Variants in NAALADL2 observed in about 807,000 individuals in gnomAD.
NAALADL2 encodes inactive N-acetylated-alpha-linked acidic dipeptidase-like protein 2.
NAALADL2 carries 76 observed loss-of-function variants against 87.2 expected under a neutral mutation model. The observed-to-expected ratio is 0.87, with a 90% CI of 0.72 to 1.05. The LOEUF is 1.05. Among genes scored for constraint, NAALADL2 ranks in the 50% least tolerant of loss-of-function variants. The pLI, the probability that NAALADL2 is intolerant of heterozygous loss-of-function variation, is 0.00. For missense variants in NAALADL2, 1,089 were observed against 945.8 expected, an observed-to-expected ratio of 1.15 and a Z score of -1.99; for synonymous variants, 354 against 331.0, an observed-to-expected ratio of 1.07 and a Z score of -0.75.
chr3:175,772,387 A>T (rs1367284063), intron 13 of NAALADL2, among the ~76,000 whole-genome samples: 1 of 152,146 alleles, frequency 6.6e-6, no homozygotes, highest in Non-Finnish European at 1.5e-5. Context: ...AATAAGAAGC[A>T]GTAAAAGAAA....
At chr3:175,780,061 G>A (rs1042499016) in intron 13 of NAALADL2, among the ~76,000 whole-genome samples, 6 of 151,582 alleles carry the variant, frequency 4.0e-5, no homozygotes, top group South Asian at 4.2e-4. Context: ...GAGGTCAGTA[G>A]ATCGAGACCA....
chr3:175,237,719 A>G (rs946471583), intron 3 of NAALADL2, among the ~76,000 whole-genome samples: 2 of 152,178 alleles, frequency 1.3e-5, no homozygotes, highest in African/African-American at 2.4e-5. Flanking sequence ...TAAAAACACT[A>G]TATTTTAACT....
intron 1 of NAALADL2, among the ~76,000 whole-genome samples, chr3:174,862,526 C>T (rs1726624669): frequency 6.6e-6 from 1 of 152,080 alleles, no homozygotes; most frequent in African/African-American, 2.4e-5. Flanking sequence ...GGGAAAGAAT[C>T]TATCAGCATC....
chr3:174,936,024 A>G (rs1455506519), intron 1 of NAALADL2, among the ~76,000 whole-genome samples: 1 of 152,162 alleles, frequency 6.6e-6, no homozygotes, highest in South Asian at 2.1e-4. Context: ...CCGATGTTGC[A>G]TGACAGAATG....
At chr3:174,743,142 T>A (rs1227930278) in intron 3 of NAALADL2, among the ~76,000 whole-genome samples, 1 of 151,790 alleles carries the variant, frequency 6.6e-6, no homozygotes, top group Non-Finnish European at 1.5e-5. Context: ...GCTTAGGATT[T>A]TGCTTCCAAG....
chr3:174,670,537 A>G (rs1726433502), intron 2 of NAALADL2, among the ~76,000 whole-genome samples: 1 of 152,056 alleles, frequency 6.6e-6, no homozygotes. Context: ...ATTAAGTACT[A>G]AAAAGGTTCC....
At chr3:174,628,399 C>T (rs182795153) in intron 2 of NAALADL2, among the ~76,000 whole-genome samples, 10 of 147,850 alleles carry the variant, frequency 6.8e-5, no homozygotes, top group African/African-American at 2.0e-4. Flanking sequence ...ATCGCTTGAA[C>T]CCTGGAGGCG....
intron 12 of NAALADL2, among the ~76,000 whole-genome samples, chr3:175,746,881 T>C (rs996429851): frequency 7.2e-5 from 11 of 152,208 alleles, no homozygotes; most frequent in Non-Finnish European, 1.3e-4. Flanking sequence ...AGGAACTCTC[T>C]CAAATGCCAA....
At chr3:174,840,345 A>G (rs190311498) in intron 3 of NAALADL2, among the ~76,000 whole-genome samples, 21 of 152,208 alleles carry the variant, frequency 1.4e-4, no homozygotes, top group Admixed American at 5.9e-4. Context: ...GGCATATCTA[A>G]CACCAGCAAC....
chr3:174,603,926 T>G (rs753398828), intron 2 of NAALADL2, among the ~76,000 whole-genome samples: 1 of 152,172 alleles, frequency 6.6e-6, no homozygotes, highest in Non-Finnish European at 1.5e-5. Flanking sequence ...TCAAAGAAGA[T>G]GCATGATATT....
chr3:174,449,847 C>G (rs1052294334), intron 1 of NAALADL2, among the ~76,000 whole-genome samples: 1 of 151,928 alleles, frequency 6.6e-6, no homozygotes, highest in Non-Finnish European at 1.5e-5. Flanking sequence ...CAAAGAATTC[C>G]TGCCTCTCTT....
Position 175,253,646 on chromosome 3 carries a change from A to G in NAALADL2, c.820-2765A>G, listed in dbSNP as rs181264824. 7.2e-3 allele frequency among the ~76,000 whole-genome samples: 1,100 copies of G among 152,286 alleles called. 6 individuals are homozygous for G. Among genetic ancestry groups the G allele is most frequent in the Non-Finnish European group, 0.012 (840 of 68,014 alleles). On this transcript the variant is annotated intron_variant, in intron 3 of 13. Transcript: ENST00000454872. ...TAGTGATTCCACTGATAAATCTGAG[A>G]AAGTACATAGAAAACTTTCTGGAAA...
chr3:174,784,912 T>G (rs950175221), intron 3 of NAALADL2, among the ~76,000 whole-genome samples: 4 of 152,238 alleles, frequency 2.6e-5, no homozygotes, highest in Admixed American at 1.3e-4. Flanking sequence ...TTTCATTTAA[T>G]ATTTTCAGAC....
chr3:175,212,336 T>TA (rs140929947), intron 2 of NAALADL2, among the ~76,000 whole-genome samples: 10,230 of 147,654 alleles, frequency 0.069, 845 homozygotes, highest in African/African-American at 0.19. Flanking sequence ...CATAGTAAGG[T>TA]AAAAAAAAAA....
At chr3:174,541,091 G>A (rs1722181207) in intron 1 of NAALADL2, among the ~76,000 whole-genome samples, 1 of 152,120 alleles carries the variant, frequency 6.6e-6, no homozygotes, top group South Asian at 2.1e-4. Flanking sequence ...CTCTTACCAT[G>A]TTGCTCTTCT....
chr3:174,568,539 G>T, intron 2 of NAALADL2, among the ~76,000 whole-genome samples: 1 of 151,876 alleles, frequency 6.6e-6, no homozygotes, highest in Non-Finnish European at 1.5e-5. Context: ...GGAAAGGGCT[G>T]TAAGAAGGCA....
chr3:174,852,966 G>A (rs1725419079), intron 3 of NAALADL2, among the ~76,000 whole-genome samples: 1 of 151,974 alleles, frequency 6.6e-6, no homozygotes, highest in South Asian at 2.1e-4. Context: ...GGAAAATACA[G>A]TCTCTTCAAT....
At chr3:175,065,925 G>A (rs1263860422) in intron 1 of NAALADL2, among the ~76,000 whole-genome samples, 1 of 152,200 alleles carries the variant, frequency 6.6e-6, no homozygotes, top group Non-Finnish European at 1.5e-5. Context: ...AAGAAGGTCA[G>A]AGACCCTCTC....
At chr3:175,408,579 A>G (rs1712871891) in intron 5 of NAALADL2, among the ~76,000 whole-genome samples, 1 of 152,036 alleles carries the variant, frequency 6.6e-6, no homozygotes, top group Non-Finnish European at 1.5e-5. Flanking sequence ...TAAAATTTCA[A>G]AAGAATAAAG....
Sources: gnomAD v4.1 joint callset for allele counts (sites outside exome capture counted in the v4.1 genomes callset) on GRCh38, gnomAD v4.1.1 for gene constraint, MANE v1.5 for transcripts, NCBI Gene and HGNC (gene_info 2026-07-23, HGNC 2026-07-21) for gene names.